The following RARA variants were observed in gnomAD, a reference collection of about 807,000 sequenced individuals.
RARA encodes PML-DDX5-RARA fusion.
Under a neutral mutation model 42.8 loss-of-function variants are expected in RARA, and 5 were observed. The ratio of observed to expected loss-of-function variants is 0.12; its 90% CI spans 0.06 to 0.25. The LOEUF (loss-of-function observed/expected upper bound fraction) is 0.25. RARA is among the 10% of genes least tolerant of loss of function. The pLI, the probability that RARA is intolerant of heterozygous loss-of-function variation, is 1.00. For missense variants in RARA, 402 were observed against 628.7 expected (o/e 0.64, Z 3.86); for synonymous variants, 256 against 259.5 (o/e 0.99, Z 0.13).
rs758706699 is a variant in RARA at position 40,355,340 on chromosome 17, C to T, written c.1090C>T (p.Arg364Trp). 8 of 1,612,994 alleles carry T rather than the reference C, an allele frequency of 5.0e-6. No homozygotes were observed. Among genetic ancestry groups the T allele is most frequent in the South Asian group, 2.2e-5 (2 of 90,880 alleles). ...PLLEALKVYV[R>W]KRRPSRPHMF... is the part of the protein sequence containing the mutation. ...GCTGGAGGCGCTAAAGGTCTACGTG[C>T]GGAAGCGGAGGCCCAGCCGCCCCCA... is the stretch of plus-strand genomic sequence containing the variant. Residue 364 changes from arginine to tryptophan, a missense_variant, in exon 8 of 9, where the codon CGG (arginine) becomes TGG (tryptophan). Physicochemically the swap from Arg to Trp is moderately radical, Grantham distance 101 (BLOSUM62 -3). This residue lies in a region of RARA where 104 missense variants were observed against 160.1 expected (regional missense o/e 0.65). Coordinates refer to ENST00000254066, the MANE Select transcript of RARA (RefSeq NM_000964.4). This position sits in a 1 kb window ranked among gnomAD's most constrained non-coding sequence, Gnocchi z 4.1.
At chr17:40,347,678 G>T (rs1306316640) in intron 2 of RARA, among the ~76,000 whole-genome samples, 2 of 152,300 alleles carry the variant, frequency 1.3e-5, no homozygotes, top group African/African-American at 4.8e-5. Context: ...TCTTCTCCCT[G>T]TATTCAGGGT....
At chr17:40,343,040 C>A in intron 2 of RARA, 3 of 1,331,334 alleles carry the variant, frequency 2.3e-6, no homozygotes, top group Non-Finnish European at 2.9e-6. Context: ...CACCCTCCCC[C>A]CAGTAACCCT....
rs142478597 is a variant in RARA at position 40,335,041 on chromosome 17, G to A, written c.178+3645G>A. Among the ~76,000 whole-genome samples the A allele has an allele frequency of 5.6e-3, 857 of 152,244 alleles. 6 individuals are homozygous for A. The highest frequency in any genetic ancestry group is 0.02 in the African/African-American group (831 of 41,532). ...AGGTCTCAGATTCTGTGTGCACTAC[G>A]GGTCAGGGCTGTGTGTGTTTTGGGG... On this transcript the variant is annotated intron_variant, in intron 2 of 8. Coordinates refer to ENST00000254066, the MANE Select transcript of RARA (RefSeq NM_000964.4).
rs771916537 is a variant in RARA, at chr17:40,356,113, C to A, written c.1276C>A (p.Gln426Lys). The A allele has an allele frequency of 1.3e-6, 2 of 1,566,398 alleles. No individual in the cohort carries two copies. The highest frequency in any genetic ancestry group is 1.7e-6 in the Non-Finnish European group (2 of 1,160,684). ...AGAGGGCCTGGACACTCTGAGCGGA[C>A]AGCCGGGGGGTGGGGGGCGGGACGG... ...NSEGLDTLSG[Q>K]PGGGGRDGGG... Residue 426 changes from glutamine to lysine, a missense_variant, in exon 9 of 9, where the codon CAG (glutamine) becomes AAG (lysine). This residue lies in a region of RARA where 73 missense variants were observed against 59.8 expected (regional missense o/e 1.22). Transcript: ENST00000254066.
intron 2 of RARA, among the ~76,000 whole-genome samples, chr17:40,334,856 C>T (rs2033799815): frequency 6.6e-6 from 1 of 152,150 alleles, no homozygotes; most frequent in Admixed American, 6.5e-5. Flanking sequence ...ACCTAGTAGC[C>T]TATGGGACCA....
At chr17:40,317,310 T>C (rs2033235040) in intron 1 of RARA, among the ~76,000 whole-genome samples, 1 of 152,120 alleles carries the variant, frequency 6.6e-6, no homozygotes, top group African/African-American at 2.4e-5. Flanking sequence ...TGCTTCCCCC[T>C]AAGCCCGCCA....
chr17:40,351,545 G>A lies in RARA; in HGVS notation c.470-365G>A, dbSNP rs951612367. Reference sequence around the variant, plus strand: ...TGGGAGGGCTGGGTGAGTGGAGGCGGGAGAAGGACCTTCCTGGGGAAAGAG... The same window carrying A: ...TGGGAGGGCTGGGTGAGTGGAGGCGAGAGAAGGACCTTCCTGGGGAAAGAG... On this transcript the variant is annotated intron_variant, in intron 4 of 8. Coordinates refer to ENST00000254066, the MANE Select transcript of RARA (RefSeq NM_000964.4). The surrounding 1 kb of genome is among the most constrained non-coding windows in gnomAD (Gnocchi z 4.1). The A allele has an allele frequency of 2.1e-6, 1 of 471,460 alleles. No individual in the cohort carries two copies. The allele number at this position is 471,460 out of a possible 1,614,324, so 29.2% of individuals were successfully genotyped here. A position where few individuals can be genotyped will look rare whatever the true frequency, so the allele number is the denominator to read the frequency against.
chr17:40,341,598 G>T, intron 2 of RARA: 3 of 1,361,094 alleles, frequency 2.2e-6, no homozygotes, highest in Non-Finnish European at 2.8e-6. Context: ...TGGCGAGCGG[G>T]TGATGTCACG....
chr17:40,319,306 A>G (rs2033302975), intron 1 of RARA, among the ~76,000 whole-genome samples: 1 of 152,106 alleles, frequency 6.6e-6, no homozygotes, highest in African/African-American at 2.4e-5. Context: ...ATGGGGACCA[A>G]CTAACCCGGA....
chr17:40,346,004 G>T (rs1479105578), intron 2 of RARA, among the ~76,000 whole-genome samples: 1 of 152,300 alleles, frequency 6.6e-6, no homozygotes, highest in Admixed American at 6.5e-5. Flanking sequence ...CTGGAGGTAG[G>T]GGGCAGGCTA....
intron 2 of RARA, chr17:40,340,723 G>T: frequency 2.5e-6 from 1 of 398,012 alleles, no homozygotes. Context: ...AATTGTGTGT[G>T]CATACAGTGA....
Position 40,355,152 on chromosome 17 carries a change from G to T in RARA, c.1013-111G>T. 3.7e-6 allele frequency: 5 copies of T among 1,342,014 alleles called. No individual in the cohort carries two copies. Among genetic ancestry groups the T allele is most frequent in the Non-Finnish European group, 5.0e-6 (5 of 1,001,722 alleles). 83.1% of individuals were successfully genotyped at this position (1,342,014 alleles called of 1,614,324 possible). A position where few individuals can be genotyped will look rare whatever the true frequency, so the allele number is the denominator to read the frequency against. ...CCCATGCCCTGCCCTGTGTGGGGAGGCGCCTGCGAGCTGCCCTCCTCCATG... is the reference window on the plus strand; with the variant it reads ...CCCATGCCCTGCCCTGTGTGGGGAGTCGCCTGCGAGCTGCCCTCCTCCATG... On this transcript the variant is annotated intron_variant, in intron 7 of 8. Coordinates refer to ENST00000254066, the MANE Select transcript of RARA (RefSeq NM_000964.4). This position sits in a 1 kb window ranked among gnomAD's most constrained non-coding sequence, Gnocchi z 4.1.
chr17:40,322,161 A>G (rs2033406881), intron 1 of RARA, among the ~76,000 whole-genome samples: 1 of 149,570 alleles, frequency 6.7e-6, no homozygotes, highest in Admixed American at 6.7e-5. Flanking sequence ...TCTGCAGAGA[A>G]GGGGAGGGGG....
At position 40,355,172 on chromosome 17, in the gene RARA, T is replaced by A. The variant is rs527949083; in HGVS notation, c.1013-91T>A. 1.7e-4 allele frequency: 247 copies of A among 1,458,234 alleles called. 9 individuals carry two copies. In the South Asian group the frequency reaches 3.2e-3, roughly 19 times the overall value. The allele number at this position is 1,458,234 out of a possible 1,614,324, so 90.3% of individuals were successfully genotyped here. ...GGGAGGCGCCTGCGAGCTGCCCTCCTCCATGGCCTGGGCAGGCACGCCCCC... is the reference window on the plus strand; with the variant it reads ...GGGAGGCGCCTGCGAGCTGCCCTCCACCATGGCCTGGGCAGGCACGCCCCC... On this transcript the variant is annotated intron_variant, in intron 7 of 8. Transcript: ENST00000254066. This position sits in a 1 kb window ranked among gnomAD's most constrained non-coding sequence, Gnocchi z 4.1.
chr17:40,315,132 G>GTATATATA (rs71356657), intron 1 of RARA, among the ~76,000 whole-genome samples: 43 of 64,172 alleles, frequency 6.7e-4, no homozygotes, highest in South Asian at 1.3e-3. Context: ...GCTTATATGT[G>GTATATATA]TATATATATA....
rs34668171 is a variant in RARA at position 40,338,706 on chromosome 17, C to CAA, written c.178+7330_178+7331dup. On this transcript the variant is annotated intron_variant, in intron 2 of 8. Coordinates refer to ENST00000254066, the MANE Select transcript of RARA (RefSeq NM_000964.4). The stretch of plus-strand genomic sequence containing the variant: ...CGGGTAACAGAGCAAGACTTGGACT[C>CAA]AAAAAAAAAAAAAAAAAAAAAGCGT... Among the ~76,000 whole-genome samples the CAA allele has an allele frequency of 5.2e-3, 270 of 52,224 alleles. 4 individuals carry two copies. Among genetic ancestry groups the CAA allele is most frequent in the African/African-American group, 0.01 (153 of 14,832 alleles). The allele number at this position is 52,224 out of a possible 152,430, so 34.3% of individuals were successfully genotyped here.
rs2143487373 is a variant in RARA, at chr17:40,351,224, T to G, written c.470-686T>G. Among the ~76,000 whole-genome samples the G allele has an allele frequency of 6.9e-6, 1 of 144,568 alleles. No homozygotes were observed. Among genetic ancestry groups the G allele is most frequent in the Admixed American group, 6.9e-5 (1 of 14,586 alleles). The allele number at this position is 144,568 out of a possible 152,430, so 94.8% of individuals were successfully genotyped here. A position where few individuals can be genotyped will look rare whatever the true frequency, so the allele number is the denominator to read the frequency against. On this transcript the variant is annotated intron_variant, in intron 4 of 8. Transcript: ENST00000254066. This position sits in a 1 kb window ranked among gnomAD's most constrained non-coding sequence, Gnocchi z 4.1. The stretch of plus-strand genomic sequence containing the variant: ...ATTATGCCAGCTACCCCCACCTCGC[T>G]ACCCCCTCCCTGAGCCCCTCCCCCA...
chr17:40,313,898 A>G (rs1406579681), intron 1 of RARA, among the ~76,000 whole-genome samples: 1 of 151,062 alleles, frequency 6.6e-6, no homozygotes, highest in African/African-American at 2.4e-5. Context: ...TAGCCTGTCA[A>G]CTCTCCTTGG....
In RARA at chr17:40,356,092, G is replaced by A. The variant is rs2143547488; in HGVS notation, c.1255G>A (p.Gly419Ser). The A allele has an allele frequency of 7.6e-7, 1 of 1,318,658 alleles. No individual in the cohort carries two copies. The highest frequency in any genetic ancestry group is 4.5e-5 in the East Asian group (1 of 22,354). 81.7% of individuals were successfully genotyped at this position (1,318,658 alleles called of 1,614,324 possible). A position where few individuals can be genotyped will look rare whatever the true frequency, so the allele number is the denominator to read the frequency against. Reference protein sequence around the residue: ...LIQEMLENSEGLDTLSGQPGG... With the variant: ...LIQEMLENSESLDTLSGQPGG... ...CCAGGAAATGTTGGAGAACTCAGAG[G>A]GCCTGGACACTCTGAGCGGACAGCC... Residue 419 changes from glycine to serine, a missense_variant, in exon 9 of 9, where the codon GGC becomes AGC. Coordinates refer to ENST00000254066, the MANE Select transcript of RARA (RefSeq NM_000964.4).
Sources: gnomAD v4.1 joint callset for allele counts (sites outside exome capture counted in the v4.1 genomes callset) on GRCh38, gnomAD v4.1.1 for gene constraint, gnomAD v4.1.1 regional missense constraint, Gnocchi (gnomAD v3.1) non-coding constraint, MANE v1.5 for transcripts, NCBI Gene and HGNC (gene_info 2026-07-23, HGNC 2026-07-21) for gene names.